The following MAP4K3 variants were observed in gnomAD, a reference collection of about 807,000 sequenced individuals.
The protein encoded by MAP4K3 is mitogen-activated protein kinase kinase kinase kinase 3, also known as MAPK/ERK kinase kinase kinase 3.
A neutral mutation model predicts 143.5 loss-of-function variants in MAP4K3; 94 were observed. That is an observed-to-expected ratio of 0.65 (90% CI 0.55 to 0.78). MAP4K3 has a LOEUF of 0.78. Among genes scored for constraint, MAP4K3 ranks in the 30% least tolerant of loss-of-function variants. The probability of loss-of-function intolerance (pLI) is 0.00; values close to 1 mark genes in which losing one functional copy is unlikely to be tolerated. For missense variants in MAP4K3, 1,077 were observed against 1,068.1 expected (o/e 1.01, Z -0.12); for synonymous variants, 416 against 347.2 (o/e 1.20, Z -2.20).
At chr2:39,377,352 G>A (rs1254257738) in intron 2 of MAP4K3, among the ~76,000 whole-genome samples, 2 of 152,056 alleles carry the variant, frequency 1.3e-5, no homozygotes, top group Non-Finnish European at 2.9e-5. Context: ...ACTAACTGCT[G>A]TGGTACTCGG....
chr2:39,329,474 C>A (rs537597261), intron 8 of MAP4K3, among the ~76,000 whole-genome samples: 53 of 152,220 alleles, frequency 3.5e-4, no homozygotes. Context: ...AGGAAAAGAA[C>A]AACAACTAGC....
At chr2:39,366,652 T>C (rs1333326459) in intron 2 of MAP4K3, among the ~76,000 whole-genome samples, 3 of 152,148 alleles carry the variant, frequency 2.0e-5, no homozygotes, top group South Asian at 2.1e-4. Flanking sequence ...GTTTAGATGG[T>C]TGGGAGGCCT....
In MAP4K3 at chr2:39,378,120, G is replaced by C; in HGVS notation, c.100C>G (p.Arg34Gly). The C allele has an allele frequency of 6.4e-7, 1 of 1,572,298 alleles. No homozygotes were observed. Among genetic ancestry groups the C allele is most frequent in the Non-Finnish European group, 8.6e-7 (1 of 1,157,188 alleles). ...SGTYGDVYKA[R>G]NVNTGELAAI... The stretch of plus-strand genomic sequence containing the variant: ...GCTAATTCACCAGTGTTAACATTCC[G>C]TGCCTAAAAGAAAGAGGAAAAAAGG... Residue 34 changes from arginine to glycine, a missense_variant, in exon 2 of 34, where the codon CGG becomes GGG. This residue lies in a region of MAP4K3 where 213 missense variants were observed against 266.8 expected (regional missense o/e 0.80). Coordinates refer to ENST00000263881, the MANE Select transcript of MAP4K3 (RefSeq NM_003618.4).
At chr2:39,267,059 C>G (rs1415753722) in intron 27 of MAP4K3, 130 bp downstream of exon 27, 1 of 796,956 alleles carries the variant, frequency 1.3e-6, no homozygotes, top group Non-Finnish European at 2.1e-6. Flanking sequence ...GATGAAACAG[C>G]CAAGAAATTT....
At chr2:39,315,204 T>G (rs1683072054) in intron 13 of MAP4K3, 106 bp downstream of exon 13, 7 of 689,364 alleles carry the variant, frequency 1.0e-5, no homozygotes, top group Non-Finnish European at 1.6e-5. Flanking sequence ...TTAACAGTGT[T>G]TAGTAAGAAA....
chr2:39,313,459 TTTCTTTCCTTCC>T (rs1362294601), intron 13 of MAP4K3, among the ~76,000 whole-genome samples: 1 of 26,022 alleles, frequency 3.8e-5, no homozygotes, highest in Admixed American at 7.1e-4. Context: ...TCTTTCCTTC[TTTCTTTCCTTCC>T]TTCCTTTCTT....
chr2:39,393,453 G>A (rs903445560), intron 1 of MAP4K3, among the ~76,000 whole-genome samples: 2 of 151,964 alleles, frequency 1.3e-5, no homozygotes, highest in Non-Finnish European at 2.9e-5. Context: ...TCAGAATCCC[G>A]TTTTTACCTG....
chr2:39,344,225 G>A (rs1205631071), intron 3 of MAP4K3, among the ~76,000 whole-genome samples: 2 of 152,142 alleles, frequency 1.3e-5, no homozygotes, highest in Non-Finnish European at 2.9e-5. Flanking sequence ...ATGAATGATT[G>A]CATGAGTGAC....
intron 3 of MAP4K3, chr2:39,356,020 G>T: frequency 2.4e-6 from 1 of 411,552 alleles, no homozygotes; most frequent in Non-Finnish European, 4.3e-6. Context: ...GTTTTTACTT[G>T]CCAGCATTTT....
intron 3 of MAP4K3, among the ~76,000 whole-genome samples, chr2:39,346,823 T>G (rs536604905): frequency 6.6e-6 from 1 of 152,252 alleles, no homozygotes; most frequent in South Asian, 2.1e-4. Context: ...AATTACCATT[T>G]GGCACTTCTC....
chr2:39,253,411 C>T (rs568223970), intron 32 of MAP4K3, among the ~76,000 whole-genome samples: 16 of 152,330 alleles, frequency 1.1e-4, no homozygotes, highest in Middle Eastern at 6.8e-3. Flanking sequence ...AGTGTACAGG[C>T]GTGAGCCAAC....
At chr2:39,308,616 T>A (rs1682804733) in intron 14 of MAP4K3, among the ~76,000 whole-genome samples, 1 of 152,196 alleles carries the variant, frequency 6.6e-6, no homozygotes, top group Non-Finnish European at 1.5e-5. Flanking sequence ...CAAAATAATT[T>A]CTTTAGAATT....
chr2:39,372,100 A>C (rs1297084947), intron 2 of MAP4K3, among the ~76,000 whole-genome samples: 2 of 151,888 alleles, frequency 1.3e-5, no homozygotes, highest in Non-Finnish European at 2.9e-5. Context: ...CAGGACACAA[A>C]ATAAATATTC....
At chr2:39,395,328 T>TACACAC (rs10549757) in intron 1 of MAP4K3, among the ~76,000 whole-genome samples, 1 of 149,694 alleles carries the variant, frequency 6.7e-6, no homozygotes, top group African/African-American at 2.5e-5. Context: ...CACGTACACA[T>TACACAC]ACACACACAC....
At chr2:39,400,838 A>T (rs1344379979) in intron 1 of MAP4K3, among the ~76,000 whole-genome samples, 4 of 152,216 alleles carry the variant, frequency 2.6e-5, no homozygotes, top group Non-Finnish European at 4.4e-5. Flanking sequence ...AGCAGAAAGC[A>T]GCTATACCCT....
intron 28 of MAP4K3, among the ~76,000 whole-genome samples, chr2:39,262,093 A>G (rs188176731): frequency 1.3e-5 from 2 of 152,228 alleles, no homozygotes; most frequent in African/African-American, 2.4e-5. Flanking sequence ...CTGTGTTTTC[A>G]CTGTATTTTC....
At chr2:39,334,245 T>C (rs1171252157) in intron 6 of MAP4K3, among the ~76,000 whole-genome samples, 1 of 152,154 alleles carries the variant, frequency 6.6e-6, no homozygotes, top group Non-Finnish European at 1.5e-5. Context: ...TAGATAATGA[T>C]GACTTCATCT....
At chr2:39,293,937 G>A (rs955229189) in intron 16 of MAP4K3, 7 of 152,244 alleles carry the variant, frequency 4.6e-5, no homozygotes, top group African/African-American at 1.7e-4. Flanking sequence ...TTTACCATTA[G>A]GAGCAGTATA....
At chr2:39,333,473 T>C in intron 7 of MAP4K3, 59 bp downstream of exon 7, 1 of 1,336,340 alleles carries the variant, frequency 7.5e-7, no homozygotes, top group Non-Finnish European at 1.1e-6. Context: ...AAGGAAAACA[T>C]AAACTTTACT....
Sources: gnomAD v4.1 joint callset for allele counts (sites outside exome capture counted in the v4.1 genomes callset) on GRCh38, gnomAD v4.1.1 for gene constraint, gnomAD v4.1.1 regional missense constraint, MANE v1.5 for transcripts, NCBI Gene and HGNC (gene_info 2026-07-23, HGNC 2026-07-21) for gene names.